Variants in GALNT13 observed in about 807,000 individuals in gnomAD.
GALNT13 encodes the protein UDP-GalNAc:polypeptide N-acetylgalactosaminyltransferase 13.
In GALNT13, 28 loss-of-function variants were observed where a neutral mutation model predicts 64.2. The observed-to-expected ratio is 0.44, with a 90% CI of 0.32 to 0.60. GALNT13 has a LOEUF of 0.60. GALNT13 is among the 20% of genes least tolerant of loss of function. The pLI is 0.05. For synonymous variants in GALNT13, 214 were observed against 224.6 expected, an observed-to-expected ratio of 0.95 and a Z score of 0.42; for missense variants, 577 against 669.8, an observed-to-expected ratio of 0.86 and a Z score of 1.53.
the GALNT13 span, among the ~76,000 whole-genome samples, chr2:153,380,751 T>TG: frequency 6.6e-6 from 1 of 152,146 alleles, no homozygotes; most frequent in Non-Finnish European, 1.5e-5. Flanking sequence ...GGGGAATCAT[T>TG]GAAGAATGTG....
chr2:154,213,944 C>G (rs1035006077), intron 4 of GALNT13, among the ~76,000 whole-genome samples: 1 of 152,144 alleles, frequency 6.6e-6, no homozygotes, highest in Non-Finnish European at 1.5e-5. Context: ...TTCTTCTTAA[C>G]TACACAAACT....
At chr2:154,144,112 T>G (rs931134321) in intron 4 of GALNT13, among the ~76,000 whole-genome samples, 6 of 152,094 alleles carry the variant, frequency 3.9e-5, no homozygotes, top group African/African-American at 1.4e-4. Context: ...ATGAAAAAAC[T>G]TTTCATTTTA....
the GALNT13 span, among the ~76,000 whole-genome samples, chr2:153,692,087 G>A: frequency 6.6e-6 from 1 of 152,114 alleles, no homozygotes; most frequent in African/African-American, 2.4e-5. Context: ...CACAATGATA[G>A]GGATGAATCT....
At chr2:153,752,353 C>G in the GALNT13 span, among the ~76,000 whole-genome samples, 4 of 151,990 alleles carry the variant, frequency 2.6e-5, no homozygotes, top group South Asian at 8.3e-4. Context: ...CAGGTAACTA[C>G]TTATTGTTCA....
chr2:153,170,726 G>A, the GALNT13 span, among the ~76,000 whole-genome samples: 6 of 152,094 alleles, frequency 3.9e-5, no homozygotes, highest in Non-Finnish European at 8.8e-5. Flanking sequence ...TCTAACAAAT[G>A]TTACCTTATT....
At chr2:153,557,795 T>C in the GALNT13 span, among the ~76,000 whole-genome samples, 1 of 152,196 alleles carries the variant, frequency 6.6e-6, no homozygotes, top group African/African-American at 2.4e-5. Flanking sequence ...TCAAACTTCA[T>C]CTAACTTCAT....
the GALNT13 span, among the ~76,000 whole-genome samples, chr2:153,737,169 A>G: frequency 6.6e-6 from 1 of 152,220 alleles, no homozygotes; most frequent in South Asian, 2.1e-4. Context: ...GGAAGAAAGG[A>G]GCACAGACAG....
intron 7 of GALNT13, among the ~76,000 whole-genome samples, chr2:154,249,803 A>C (rs1264156466): frequency 1.3e-5 from 2 of 152,008 alleles, no homozygotes; most frequent in Non-Finnish European, 2.9e-5. Flanking sequence ...TTTATTTCAG[A>C]CCTATTTTAC....
At chr2:154,144,202 A>G (rs956473821) in intron 4 of GALNT13, among the ~76,000 whole-genome samples, 1 of 152,192 alleles carries the variant, frequency 6.6e-6, no homozygotes, top group Non-Finnish European at 1.5e-5. Context: ...GTCACAGTGT[A>G]TGAGGTTTAC....
the GALNT13 span, among the ~76,000 whole-genome samples, chr2:153,666,482 A>T: frequency 6.6e-6 from 1 of 152,184 alleles, no homozygotes; most frequent in African/African-American, 2.4e-5. Context: ...TTGCCAGCAG[A>T]CCAGGAAAAT....
chr2:153,307,246 G>A, the GALNT13 span, among the ~76,000 whole-genome samples: 1 of 152,142 alleles, frequency 6.6e-6, no homozygotes, highest in Admixed American at 6.5e-5. Context: ...TTAAAGGTTA[G>A]CTCTGAAATT....
chr2:154,213,207 A>G (rs1559028586), intron 4 of GALNT13, among the ~76,000 whole-genome samples: 1 of 152,140 alleles, frequency 6.6e-6, no homozygotes, highest in African/African-American at 2.4e-5. Flanking sequence ...CCTCAGCCTC[A>G]GTGGCTGGAC....
the GALNT13 span, among the ~76,000 whole-genome samples, chr2:153,471,968 T>C: frequency 2.0e-5 from 3 of 152,216 alleles, no homozygotes; most frequent in African/African-American, 4.8e-5. Flanking sequence ...ATAAACATGT[T>C]TCATGAGTAT....
the GALNT13 span, among the ~76,000 whole-genome samples, chr2:153,328,136 C>T: frequency 6.6e-6 from 1 of 152,186 alleles, no homozygotes; most frequent in Admixed American, 6.5e-5. Flanking sequence ...GCAGAGGCTG[C>T]AGAACAGCAA....
chr2:153,608,105 C>A, the GALNT13 span, among the ~76,000 whole-genome samples: 1 of 152,088 alleles, frequency 6.6e-6, no homozygotes, highest in African/African-American at 2.4e-5. Context: ...ATGTTTGCAG[C>A]AGAGGTGTCA....
At chr2:153,697,746 C>G in the GALNT13 span, among the ~76,000 whole-genome samples, 2 of 152,146 alleles carry the variant, frequency 1.3e-5, no homozygotes, top group African/African-American at 2.4e-5. Flanking sequence ...AGTAAGAATG[C>G]TGGCTTTCAA....
At chr2:153,627,025 C>G in the GALNT13 span, among the ~76,000 whole-genome samples, 1 of 152,022 alleles carries the variant, frequency 6.6e-6, no homozygotes, top group Non-Finnish European at 1.5e-5. Context: ...AAATTATTTT[C>G]AGTTTCAAAA....
intron 4 of GALNT13, among the ~76,000 whole-genome samples, chr2:154,232,133 T>G (rs1356365035): frequency 3.3e-5 from 5 of 152,052 alleles, no homozygotes; most frequent in Admixed American, 6.6e-5. Flanking sequence ...ATTATAACAA[T>G]GCTGAAATGT....
chr2:154,376,126 T>C (rs1356246428), intron 9 of GALNT13, among the ~76,000 whole-genome samples: 1 of 152,186 alleles, frequency 6.6e-6, no homozygotes, highest in African/African-American at 2.4e-5. Flanking sequence ...AGACATTCTA[T>C]TTGTTAAGAA....
Sources: allele counts gnomAD v4.1 joint callset (sites outside exome capture counted in the v4.1 genomes callset), GRCh38; gene constraint gnomAD v4.1.1; transcripts MANE v1.5; gene names NCBI Gene and HGNC (gene_info 2026-07-23, HGNC 2026-07-21).